Variants in AKAP19 observed in about 807,000 individuals in gnomAD.
AKAP19 encodes small A-kinase anchoring protein.
chr2:189,901,573 A>G, the AKAP19 span, among the ~76,000 whole-genome samples: 2 of 152,120 alleles, frequency 1.3e-5, no homozygotes, highest in Non-Finnish European at 2.9e-5. Context: ...CCTGGCCTCA[A>G]GTGATCTGCC....
chr2:190,116,351 T>G, the AKAP19 span, among the ~76,000 whole-genome samples: 1 of 152,282 alleles, frequency 6.6e-6, no homozygotes, highest in East Asian at 1.9e-4. Flanking sequence ...AGAGAGTGCA[T>G]GTGAGAGAGT....
chr2:189,959,794 A>G, the AKAP19 span, among the ~76,000 whole-genome samples: 2 of 152,200 alleles, frequency 1.3e-5, no homozygotes, highest in South Asian at 2.1e-4. Context: ...ACTCAACAAA[A>G]TATTTCATGA....
At chr2:189,919,166 T>C in the AKAP19 span, among the ~76,000 whole-genome samples, 2 of 152,192 alleles carry the variant, frequency 1.3e-5, no homozygotes, top group Admixed American at 6.5e-5. Flanking sequence ...CAGGGGGGAC[T>C]ACTGTATATG....
the AKAP19 span, among the ~76,000 whole-genome samples, chr2:189,941,528 T>C: frequency 2.0e-5 from 3 of 150,998 alleles, no homozygotes; most frequent in Non-Finnish European, 4.4e-5. Context: ...ATTTTTGTTT[T>C]CACACTTTTC....
At chr2:190,059,518 AAC>A in the AKAP19 span, among the ~76,000 whole-genome samples, 1 of 152,120 alleles carries the variant, frequency 6.6e-6, no homozygotes, top group East Asian at 1.9e-4. Context: ...ACAAATAATG[AAC>A]ATATTTATCT....
the AKAP19 span, among the ~76,000 whole-genome samples, chr2:190,053,137 A>G: frequency 1.3e-5 from 2 of 152,190 alleles, no homozygotes; most frequent in African/African-American, 4.8e-5. Context: ...TTGCCAAACT[A>G]TACAGTTCCA....
chr2:190,042,981 G>C, the AKAP19 span, among the ~76,000 whole-genome samples: 1 of 152,160 alleles, frequency 6.6e-6, no homozygotes, highest in Admixed American at 6.5e-5. Flanking sequence ...TGAAATTTGT[G>C]GTTGAAGATT....
chr2:189,916,778 T>C, the AKAP19 span, among the ~76,000 whole-genome samples: 1 of 152,226 alleles, frequency 6.6e-6, no homozygotes, highest in Non-Finnish European at 1.5e-5. Context: ...GGTTGTTAAA[T>C]GTATCAGTAG....
the AKAP19 span, among the ~76,000 whole-genome samples, chr2:189,971,593 C>A: frequency 6.6e-6 from 1 of 152,148 alleles, no homozygotes; most frequent in Non-Finnish European, 1.5e-5. Flanking sequence ...AGTTTACAGT[C>A]CCACCAACAG....
chr2:189,907,864 T>A, the AKAP19 span, among the ~76,000 whole-genome samples: 1 of 152,188 alleles, frequency 6.6e-6, no homozygotes, highest in African/African-American at 2.4e-5. Flanking sequence ...TTGTTCATAG[T>A]ATTCTCTTAG....
At chr2:190,143,769 G>C in the AKAP19 span, among the ~76,000 whole-genome samples, 4 of 150,980 alleles carry the variant, frequency 2.6e-5, no homozygotes, top group East Asian at 1.9e-4. Context: ...TTGGAACCAA[G>C]CCAAATGTCC....
At chr2:190,148,290 T>C in the AKAP19 span, among the ~76,000 whole-genome samples, 1 of 152,226 alleles carries the variant, frequency 6.6e-6, no homozygotes, top group Admixed American at 6.5e-5. Context: ...TCAATTCTGT[T>C]TATGTGGTGA....
the AKAP19 span, among the ~76,000 whole-genome samples, chr2:189,929,346 G>A: frequency 3.0e-4 from 46 of 152,262 alleles, no homozygotes; most frequent in Middle Eastern, 0.017. Flanking sequence ...TTACAGCTGA[G>A]TAACTATTTC....
chr2:190,122,098 A>G, the AKAP19 span, among the ~76,000 whole-genome samples: 2 of 152,244 alleles, frequency 1.3e-5, no homozygotes, highest in Admixed American at 6.5e-5. Context: ...TCATTTAACC[A>G]ATAAAATGGC....
chr2:190,110,396 G>T, the AKAP19 span, among the ~76,000 whole-genome samples: 2 of 152,092 alleles, frequency 1.3e-5, no homozygotes, highest in African/African-American at 4.8e-5. Flanking sequence ...GTTTTCCAGG[G>T]CCATACAAAA....
chr2:189,955,077 T>C, the AKAP19 span, among the ~76,000 whole-genome samples: 1 of 152,184 alleles, frequency 6.6e-6, no homozygotes, highest in Non-Finnish European at 1.5e-5. Context: ...CATAGGATCA[T>C]GTTTCATCTG....
the AKAP19 span, among the ~76,000 whole-genome samples, chr2:190,084,623 G>A: frequency 2.6e-5 from 4 of 152,300 alleles, no homozygotes; most frequent in South Asian, 6.2e-4. Context: ...CTGAGATTCA[G>A]TCATTTAATT....
chr2:189,962,931 A>T, the AKAP19 span, among the ~76,000 whole-genome samples: 1 of 152,000 alleles, frequency 6.6e-6, no homozygotes, highest in African/African-American at 2.4e-5. Flanking sequence ...ATTATTTTGG[A>T]TGCTGTTTGA....
At chr2:189,982,776 C>T in the AKAP19 span, among the ~76,000 whole-genome samples, 20 of 151,656 alleles carry the variant, frequency 1.3e-4, no homozygotes, top group Admixed American at 1.3e-3. Flanking sequence ...GGGGCCAAGG[C>T]TCTGTAGGGG....
Sources: allele counts gnomAD v4.1 joint callset (sites outside exome capture counted in the v4.1 genomes callset), GRCh38; gene constraint gnomAD v4.1.1; transcripts MANE v1.5; gene names NCBI Gene and HGNC (gene_info 2026-07-23, HGNC 2026-07-21).